RYR2: variants seen among roughly 807,000 people sequenced by gnomAD.
The protein encoded by RYR2 is ryanodine receptor 2, also known as cardiac muscle ryanodine receptor-calcium release channel.
RYR2 carries 227 observed loss-of-function variants against 601.1 expected under a neutral mutation model. The ratio of observed to expected loss-of-function variants is 0.38; its 90% CI spans 0.34 to 0.42. The LOEUF (loss-of-function observed/expected upper bound fraction) is 0.42. Ranked by LOEUF, RYR2 falls within the 10% of genes least tolerant of loss-of-function variation. The pLI, the probability that RYR2 is intolerant of heterozygous loss-of-function variation, is 1.00. For synonymous variants in RYR2, 2,223 were observed against 2,175.1 expected, an observed-to-expected ratio of 1.02 and a Z score of -0.61; for missense variants, 4,646 against 6,156.5, an observed-to-expected ratio of 0.75 and a Z score of 8.21.
intron 82 of RYR2, among the ~76,000 whole-genome samples, chr1:237,759,186 A>C (rs987800614): frequency 1.2e-4 from 19 of 152,180 alleles, no homozygotes; most frequent in Non-Finnish European, 2.4e-4. Flanking sequence ...TCCTGGGTTC[A>C]AGCAATTCTC....
intron 1 of RYR2, among the ~76,000 whole-genome samples, chr1:237,151,660 C>G (rs774423385): frequency 6.6e-6 from 1 of 152,140 alleles, no homozygotes; most frequent in Non-Finnish European, 1.5e-5. Context: ...CCAGTGCTAA[C>G]TTAGCCATTG....
chr1:237,271,041 A>G (rs564576755), intron 2 of RYR2, among the ~76,000 whole-genome samples: 38 of 152,214 alleles, frequency 2.5e-4, no homozygotes, highest in Non-Finnish European at 4.4e-4. Context: ...GTTCATGTTT[A>G]AAATACGTAA....
At chr1:237,227,061 C>T (rs1240883913) in intron 1 of RYR2, among the ~76,000 whole-genome samples, 1 of 152,066 alleles carries the variant, frequency 6.6e-6, no homozygotes, top group Non-Finnish European at 1.5e-5. Flanking sequence ...ACGTTGAGCC[C>T]CTGTGCCCAG....
chr1:237,102,149 T>A (rs1002452638), intron 1 of RYR2, among the ~76,000 whole-genome samples: 2 of 152,132 alleles, frequency 1.3e-5, no homozygotes, highest in African/African-American at 4.8e-5. Context: ...GGGGCTGAGA[T>A]GAGCCCCTAG....
At chr1:237,410,002 T>C (rs1484733815) in intron 10 of RYR2, among the ~76,000 whole-genome samples, 1 of 152,148 alleles carries the variant, frequency 6.6e-6, no homozygotes, top group African/African-American at 2.4e-5. Context: ...GAAACCAGAA[T>C]GTTATGTATT....
At chr1:237,651,633 T>A in intron 51 of RYR2, 132 bp downstream of exon 51, 1 of 619,142 alleles carries the variant, frequency 1.6e-6, no homozygotes, top group Non-Finnish European at 2.9e-6. Context: ...GAAATGGGCA[T>A]AGAAGTTATA....
At chr1:237,419,023 G>A (rs914896542) in intron 11 of RYR2, among the ~76,000 whole-genome samples, 3 of 151,596 alleles carry the variant, frequency 2.0e-5, no homozygotes, top group Non-Finnish European at 4.4e-5. Flanking sequence ...TTAAGGAAAG[G>A]GATTTTAAGT....
intron 29 of RYR2, among the ~76,000 whole-genome samples, chr1:237,577,627 G>A (rs1673413093): frequency 6.6e-6 from 1 of 151,898 alleles, no homozygotes; most frequent in Non-Finnish European, 1.5e-5. Context: ...TGACAGGAAA[G>A]TCAGGAAGTG....
intron 2 of RYR2, among the ~76,000 whole-genome samples, chr1:237,274,714 C>G (rs1313402701): frequency 6.6e-6 from 1 of 152,166 alleles, no homozygotes. Flanking sequence ...AGAGTAACTT[C>G]CGGTCGTGCA....
At chr1:237,134,070 C>T (rs1672488074) in intron 1 of RYR2, among the ~76,000 whole-genome samples, 1 of 152,082 alleles carries the variant, frequency 6.6e-6, no homozygotes, top group South Asian at 2.1e-4. Flanking sequence ...AGGATGACTT[C>T]TGAATGATTC....
chr1:237,648,639 C>T, intron 49 of RYR2, 26 bp downstream of exon 49: 1 of 1,595,368 alleles, frequency 6.3e-7, no homozygotes, highest in Non-Finnish European at 8.6e-7. Flanking sequence ...TGGACTTCCT[C>T]CTCTCTTGAC....
intron 29 of RYR2, among the ~76,000 whole-genome samples, chr1:237,570,269 T>C (rs1025961527): frequency 6.6e-6 from 1 of 150,816 alleles, no homozygotes; most frequent in Non-Finnish European, 1.5e-5. Context: ...AGACATTTAC[T>C]CTTCAGACAT....
chr1:237,726,545 G>A lies in RYR2; in HGVS notation c.10725+237G>A, dbSNP rs1690213026. ...CAAATTTACTCACTCCTAATACTGT[G>A]TTCACAAAGCGTTGTCTTCTTCTCT... On this transcript the variant is annotated intron_variant, in intron 75 of 104. Coordinates refer to ENST00000366574, the MANE Select transcript of RYR2 (RefSeq NM_001035.3). Among the ~76,000 whole-genome samples, 3 of 152,110 alleles carry A rather than the reference G, an allele frequency of 2.0e-5. No homozygotes were observed. In the South Asian group the frequency reaches 6.2e-4, roughly 31 times the overall value.
rs772146128 is a variant in RYR2, at chr1:237,593,460, T to C, written c.4276-16T>C. 3.2e-6 allele frequency: 5 copies of C among 1,582,062 alleles called. No homozygotes were observed. In the Admixed American group the frequency reaches 9.2e-5, roughly 29 times the overall value. ...TAGTTTTACTTTGCCAATATTTGGT[T>C]CTGCTATCTTCACAGTACTATTACT... is the stretch of plus-strand genomic sequence containing the variant. On this transcript the variant is annotated splice_polypyrimidine_tract_variant and intron_variant, in intron 32 of 104. Coordinates refer to ENST00000366574, the MANE Select transcript of RYR2 (RefSeq NM_001035.3).
In RYR2 at chr1:237,687,366, CTTTTTT is replaced by C. The variant is rs10679267; in HGVS notation, c.9018-76_9018-71del. The C allele has an allele frequency of 7.2e-4, 187 of 259,148 alleles. 1 individual carries two copies. Among genetic ancestry groups the C allele is most frequent in the Middle Eastern group, 2.1e-3 (3 of 1,418 alleles). The allele number at this position is 259,148 out of a possible 1,614,324, so 16.1% of individuals were successfully genotyped here. On this transcript the variant is annotated intron_variant, in intron 62 of 104. Coordinates refer to ENST00000366574, the MANE Select transcript of RYR2 (RefSeq NM_001035.3). Reference sequence around the variant, plus strand: ...CTGTTTTTTTTTCTTTTTTCTTCTTCTTTTTTTTTTTTTTTTTTAATTTCCCCCTGT... The same window carrying C: ...CTGTTTTTTTTTCTTTTTTCTTCTTCTTTTTTTTTTTTAATTTCCCCCTGT...
chr1:237,086,614 G>A (rs575182785), intron 1 of RYR2, among the ~76,000 whole-genome samples: 2 of 152,258 alleles, frequency 1.3e-5, no homozygotes, highest in African/African-American at 4.8e-5. Flanking sequence ...CAGGGAGCCA[G>A]CATATTGCTT....
intron 1 of RYR2, among the ~76,000 whole-genome samples, chr1:237,255,600 A>G (rs1372309652): frequency 2.0e-5 from 3 of 152,158 alleles, no homozygotes; most frequent in East Asian, 3.8e-4. Flanking sequence ...CCATCACTAC[A>G]TATTAGATGA....
At chr1:237,692,910 T>G (rs899683678) in intron 63 of RYR2, among the ~76,000 whole-genome samples, 1 of 152,184 alleles carries the variant, frequency 6.6e-6, no homozygotes, top group African/African-American at 2.4e-5. Context: ...AACTCTCAGC[T>G]CTGTGAGGTC....
intron 2 of RYR2, among the ~76,000 whole-genome samples, chr1:237,297,210 T>C (rs1692872652): frequency 6.6e-6 from 1 of 152,072 alleles, no homozygotes; most frequent in Non-Finnish European, 1.5e-5. Context: ...GAAAACTCCA[T>C]CACAGAATGC....
Sources: gnomAD v4.1 joint callset for allele counts (sites outside exome capture counted in the v4.1 genomes callset) on GRCh38, gnomAD v4.1.1 for gene constraint, MANE v1.5 for transcripts, NCBI Gene and HGNC (gene_info 2026-07-23, HGNC 2026-07-21) for gene names.